The following TBC1D1 variants were observed in gnomAD, a reference collection of about 807,000 sequenced individuals.
TBC1D1 encodes the protein TBC1 domain family member 1, also known as TBC1 (tre-2/USP6, BUB2, cdc16) domain family, member 1.
In TBC1D1, 89 loss-of-function variants were observed where a neutral mutation model predicts 125.6. The observed-to-expected ratio is 0.71, with a 90% confidence interval of 0.60 to 0.85. The LOEUF (loss-of-function observed/expected upper bound fraction) is 0.85, where lower values mean the gene tolerates loss of function less well. TBC1D1 is among the 40% of genes least tolerant of loss of function. TBC1D1 has a pLI of 0.00. For synonymous variants in TBC1D1, 565 were observed against 564.1 expected (o/e 1.00, Z -0.02); for missense variants, 1,377 against 1,469.2 (o/e 0.94, Z 1.03).
At chr4:37,952,130 G>A in intron 2 of TBC1D1, 2 of 715,312 alleles carry the variant, frequency 2.8e-6, no homozygotes, top group Non-Finnish European at 2.6e-6. Context: ...AAGGCCTGCA[G>A]TCATGATGAA....
intron 4 of TBC1D1, among the ~76,000 whole-genome samples, chr4:38,019,251 T>C (rs532862249): frequency 4.6e-5 from 7 of 152,164 alleles, no homozygotes; most frequent in Non-Finnish European, 7.4e-5. Context: ...TAATGTGATC[T>C]ACTTAAATAT....
At chr4:37,974,715 G>A (rs773776922) in intron 2 of TBC1D1, among the ~76,000 whole-genome samples, 59 of 152,174 alleles carry the variant, frequency 3.9e-4, no homozygotes, top group Non-Finnish European at 7.2e-4. Context: ...ATGCCATCAC[G>A]CCTGGCTAAT....
At chr4:38,101,565 T>C (rs1760338696) in intron 14 of TBC1D1, among the ~76,000 whole-genome samples, 1 of 152,362 alleles carries the variant, frequency 6.6e-6, no homozygotes, top group South Asian at 2.1e-4. Context: ...TAGAGGCTCT[T>C]GGACATTTTC....
chr4:38,042,130 C>A (rs373230355), intron 8 of TBC1D1, among the ~76,000 whole-genome samples: 1 of 151,958 alleles, frequency 6.6e-6, no homozygotes, highest in East Asian at 1.9e-4. Flanking sequence ...AAGCCAAGAT[C>A]GTACCACTGC....
At chr4:37,953,394 C>A (rs1174507125) in intron 2 of TBC1D1, among the ~76,000 whole-genome samples, 1 of 152,152 alleles carries the variant, frequency 6.6e-6, no homozygotes, top group Non-Finnish European at 1.5e-5. Flanking sequence ...AGGAGAGGCA[C>A]TGCATGTCAT....
intron 17 of TBC1D1, among the ~76,000 whole-genome samples, chr4:38,120,868 T>C (rs899413386): frequency 2.6e-5 from 4 of 152,176 alleles, no homozygotes; most frequent in Non-Finnish European, 4.4e-5. Context: ...CCTGGCTTGC[T>C]CCTGATGGAG....
intron 12 of TBC1D1, among the ~76,000 whole-genome samples, chr4:38,060,399 C>G (rs1486337927): frequency 6.6e-6 from 1 of 152,212 alleles, no homozygotes; most frequent in Non-Finnish European, 1.5e-5. Context: ...TGTTTCTTGA[C>G]TTTTTAATAA....
chr4:37,994,659 T>C (rs1055405837), intron 2 of TBC1D1, among the ~76,000 whole-genome samples: 1 of 152,248 alleles, frequency 6.6e-6, no homozygotes, highest in Non-Finnish European at 1.5e-5. Context: ...ATGCATTTTA[T>C]GACCCTTGTT....
At chr4:38,000,755 T>C (rs921194024) in intron 2 of TBC1D1, among the ~76,000 whole-genome samples, 4 of 152,152 alleles carry the variant, frequency 2.6e-5, no homozygotes, top group Non-Finnish European at 5.9e-5. Flanking sequence ...CAACCTGAAG[T>C]TAGCACAGAC....
At chr4:38,055,523 C>T (rs1052127596) in intron 12 of TBC1D1, among the ~76,000 whole-genome samples, 8 of 152,204 alleles carry the variant, frequency 5.3e-5, no homozygotes, top group Non-Finnish European at 8.8e-5. Context: ...AATGTCACCT[C>T]CCATGCTGTG....
intron 2 of TBC1D1, among the ~76,000 whole-genome samples, chr4:37,975,493 C>T (rs1732881087): frequency 6.6e-6 from 1 of 152,166 alleles, no homozygotes; most frequent in Non-Finnish European, 1.5e-5. Context: ...AGAGTCTTCT[C>T]TAAACTCCCC....
chr4:38,062,929 G>A (rs557000067), intron 12 of TBC1D1, among the ~76,000 whole-genome samples: 2 of 152,152 alleles, frequency 1.3e-5, no homozygotes, highest in Non-Finnish European at 2.9e-5. Context: ...GAGTCACATC[G>A]CCTGGATTTG....
At chr4:38,129,093 T>A (rs762929467) in intron 18 of TBC1D1, among the ~76,000 whole-genome samples, 2 of 152,096 alleles carry the variant, frequency 1.3e-5, no homozygotes, top group Non-Finnish European at 2.9e-5. Flanking sequence ...CGAGACCTGC[T>A]GAATCAGAAT....
intron 8 of TBC1D1, among the ~76,000 whole-genome samples, chr4:38,039,104 C>CTTT (rs776941680): frequency 0.02 from 1,042 of 51,576 alleles, 371 homozygotes; most frequent in Non-Finnish European, 0.028. Context: ...GCATCATACT[C>CTTT]TTTTTTTTTT....
intron 12 of TBC1D1, among the ~76,000 whole-genome samples, chr4:38,089,111 T>C (rs941169755): frequency 3.3e-5 from 5 of 152,208 alleles, no homozygotes; most frequent in Admixed American, 6.5e-5. Flanking sequence ...TAGTGGTATG[T>C]AGTGGGAACA....
rs1739314846 is a variant in TBC1D1, at chr4:38,002,718, C to G, written c.418-11791C>G. On this transcript the variant is annotated intron_variant, in intron 2 of 19. Coordinates refer to ENST00000261439, the MANE Select transcript of TBC1D1 (RefSeq NM_015173.4). Reference sequence around the variant, plus strand: ...TATTTAGGTGTTTTGTGCTCTGAGGCTTAGAGGGCTGCCTTGACGTGCCAT... The same window carrying G: ...TATTTAGGTGTTTTGTGCTCTGAGGGTTAGAGGGCTGCCTTGACGTGCCAT... 2.0e-5 allele frequency among the ~76,000 whole-genome samples: 3 copies of G among 152,122 alleles called. No individual in the cohort carries two copies. The South Asian group carries it at 6.2e-4, about 32-fold the overall frequency.
At position 38,068,614 on chromosome 4, in the gene TBC1D1, T is replaced by C. The variant is rs556708347; in HGVS notation, c.2050+14276T>C. On this transcript the variant is annotated intron_variant, in intron 12 of 19. Transcript: ENST00000261439. ...TCTCAACCTCGCATCTGTGCTATCC[T>C]GTACAGTAACCAACAGCCACATATC... is the stretch of plus-strand genomic sequence containing the variant. 7.9e-5 allele frequency among the ~76,000 whole-genome samples: 12 copies of C among 152,322 alleles called. 1 individual carries two copies. The South Asian group carries it at 2.5e-3, about 32-fold the overall frequency.
At chr4:38,072,208 G>GAC (rs1754821644) in intron 12 of TBC1D1, among the ~76,000 whole-genome samples, 1 of 152,320 alleles carries the variant, frequency 6.6e-6, no homozygotes, top group African/African-American at 2.4e-5. Context: ...GAGAGAGAGA[G>GAC]ACACACGTCT....
At chr4:37,954,865 G>GC in intron 2 of TBC1D1, among the ~76,000 whole-genome samples, 1 of 79,198 alleles carries the variant, frequency 1.3e-5, no homozygotes. Flanking sequence ...CTTAGCAGTG[G>GC]ATTTTTTTTT....
Sources: allele counts gnomAD v4.1 joint callset (sites outside exome capture counted in the v4.1 genomes callset), GRCh38; gene constraint gnomAD v4.1.1; transcripts MANE v1.5; gene names NCBI Gene and HGNC (gene_info 2026-07-23, HGNC 2026-07-21).